The following AZIN1 variants were observed in gnomAD, a reference collection of about 807,000 sequenced individuals.
The protein encoded by AZIN1 is ornithine decarboxylase antizyme inhibitor.
A neutral mutation model predicts 47.4 loss-of-function variants in AZIN1; 12 were observed. That is an observed-to-expected ratio of 0.25 (90% CI 0.16 to 0.41). The LOEUF (loss-of-function observed/expected upper bound fraction) is 0.41, where lower values mean the gene tolerates loss of function less well. AZIN1 is among the 10% of genes least tolerant of loss of function. The pLI, the probability that AZIN1 is intolerant of heterozygous loss-of-function variation, is 1.00. For synonymous variants in AZIN1, 155 were observed against 176.3 expected, an observed-to-expected ratio of 0.88 and a Z score of 0.96; for missense variants, 410 against 532.4, an observed-to-expected ratio of 0.77 and a Z score of 2.26.
chr8:102,839,944 T>C (rs1225597848), intron 3 of AZIN1, 121 bp from the exon 4 acceptor site: 2 of 563,254 alleles, frequency 3.6e-6, no homozygotes, highest in Admixed American at 3.7e-5. Context: ...TATATTTACA[T>C]ACAGTAATAC....
intron 1 of AZIN1, among the ~76,000 whole-genome samples, chr8:102,860,120 G>A (rs568397505): frequency 4.7e-4 from 72 of 152,280 alleles, no homozygotes; most frequent in Middle Eastern, 3.4e-3. Context: ...ATGGAAATGC[G>A]GAGAAAAGGC....
chr8:102,829,990 A>G, intron 9 of AZIN1, 54 bp from the exon 10 acceptor site: 2 of 1,104,080 alleles, frequency 1.8e-6, no homozygotes, highest in Non-Finnish European at 2.7e-6. Context: ...GGCTCATATG[A>G]AACAAATTAA....
chr8:102,846,034 T>C (rs1414507611), intron 2 of AZIN1, among the ~76,000 whole-genome samples: 4 of 152,228 alleles, frequency 2.6e-5, no homozygotes, highest in East Asian at 3.8e-4. Flanking sequence ...TCAGTTGCTG[T>C]TGCTAAGTCT....
intron 2 of AZIN1, among the ~76,000 whole-genome samples, chr8:102,844,978 G>A (rs932137861): frequency 6.6e-6 from 1 of 152,104 alleles, no homozygotes; most frequent in Admixed American, 6.5e-5. Context: ...AAATAACTTC[G>A]ACATAAATGA....
At position 102,831,982 on chromosome 8, in the gene AZIN1, C is replaced by T. The variant is rs1031225073; in HGVS notation, c.904+1074G>A. Among the ~76,000 whole-genome samples the T allele has an allele frequency of 2.0e-5, 3 of 152,064 alleles. No homozygotes were observed. In the South Asian group the frequency reaches 6.2e-4, roughly 31 times the overall value. On this transcript the variant is annotated intron_variant, in intron 9 of 11. Coordinates refer to ENST00000337198, the MANE Select transcript of AZIN1 (RefSeq NM_148174.4). ...CTAGCATCATCAATATTAGAATTGG[C>T]CACTATCATGTGCCTCCTAACATGA... is the stretch of plus-strand genomic sequence containing the variant.
At chr8:102,842,742 A>T (rs79461036) in intron 3 of AZIN1, among the ~76,000 whole-genome samples, 1 of 151,042 alleles carries the variant, frequency 6.6e-6, no homozygotes, top group African/African-American at 2.4e-5. Context: ...CAAAAAAAAA[A>T]CCACTTAGCT....
intron 8 of AZIN1, among the ~76,000 whole-genome samples, chr8:102,833,443 A>G (rs368606189): frequency 2.0e-5 from 3 of 151,380 alleles, no homozygotes; most frequent in African/African-American, 7.3e-5. Context: ...AATAGCTCTA[A>G]TAACAAATAC....
At chr8:102,847,320 G>C (rs866728141) in intron 2 of AZIN1, among the ~76,000 whole-genome samples, 1 of 146,620 alleles carries the variant, frequency 6.8e-6, no homozygotes, top group Non-Finnish European at 1.5e-5. Flanking sequence ...TTTGAGATCA[G>C]CCTGAGCAAT....
chr8:102,854,607 A>AATATAT lies in AZIN1; in HGVS notation c.-96+3400_-96+3405dup, dbSNP rs1554583710. The AATATAT allele has an allele frequency of 3.9e-5, 5 of 128,858 alleles. No homozygotes were observed. In the South Asian group the frequency reaches 1.0e-3, roughly 27 times the overall value. 8.0% of individuals were successfully genotyped at this position (128,858 alleles called of 1,614,324 possible). On this transcript the variant is annotated intron_variant, in intron 2 of 11. Transcript: ENST00000337198. ...AGGAGACTCTGTCAAAAAAAAAAAA[A>AATATAT]ATATATATATATATATATATTTTTT...
chr8:102,843,426 G>A (rs1469654036), intron 3 of AZIN1, 125 bp downstream of exon 3: 43 of 751,268 alleles, frequency 5.7e-5, no homozygotes, highest in Non-Finnish European at 8.8e-5. Context: ...GGGGAGGAAG[G>A]TCAAGTTAAA....
At chr8:102,837,111 G>A (rs1811872594) in intron 5 of AZIN1, among the ~76,000 whole-genome samples, 1 of 152,024 alleles carries the variant, frequency 6.6e-6, no homozygotes, top group Non-Finnish European at 1.5e-5. Flanking sequence ...GTGGAGACAG[G>A]GTTTCACCAT....
intron 3 of AZIN1, among the ~76,000 whole-genome samples, chr8:102,842,155 A>G (rs915922978): frequency 6.6e-6 from 1 of 152,188 alleles, no homozygotes; most frequent in African/African-American, 2.4e-5. Context: ...AGCAGTGAGT[A>G]TATGATTCTG....
chr8:102,840,663 C>T (rs1353102564), intron 3 of AZIN1, among the ~76,000 whole-genome samples: 3 of 152,158 alleles, frequency 2.0e-5, no homozygotes, highest in Non-Finnish European at 4.4e-5. Context: ...AGAGAGATGA[C>T]TTATGCAGTT....
At chr8:102,862,954 A>G (rs1472201710) in intron 1 of AZIN1, among the ~76,000 whole-genome samples, 1 of 152,184 alleles carries the variant, frequency 6.6e-6, no homozygotes, top group Non-Finnish European at 1.5e-5. Flanking sequence ...TTGATAAGCC[A>G]CCCGTCTACC....
Position 102,843,619 on chromosome 8 carries a change from C to T in AZIN1, c.34G>A (p.Val12Ile), listed in dbSNP as rs775423867. ...KGFIDDANYS[V>I]GLLDEGTNLG... The stretch of plus-strand genomic sequence containing the variant: ...TTTGTTCCTTCATCCAACAGGCCAA[C>T]GGAGTAGTTTGCATCATCAATAAAT... The change falls in exon 3 of 12, where the codon GTT (valine) becomes ATT (isoleucine). Residue 12 changes from valine to isoleucine, a missense_variant. Physicochemically the swap from Val to Ile is conservative, Grantham distance 29. Coordinates refer to ENST00000337198, the MANE Select transcript of AZIN1 (RefSeq NM_148174.4). 1.5e-5 allele frequency: 24 copies of T among 1,613,882 alleles called. No individual in the cohort carries two copies. The highest frequency in any genetic ancestry group is 8.9e-5 in the East Asian group (4 of 44,876).
At chr8:102,854,786 TAAAA>T (rs199733627) in intron 2 of AZIN1, among the ~76,000 whole-genome samples, 1 of 143,300 alleles carries the variant, frequency 7.0e-6, no homozygotes, top group South Asian at 2.2e-4. Flanking sequence ...GACAACCAGG[TAAAA>T]AAAAAAACTT....
intron 2 of AZIN1, among the ~76,000 whole-genome samples, chr8:102,851,890 G>A (rs2679752): frequency 0.45 from 68,536 of 151,842 alleles, 15,704 homozygotes; most frequent in Admixed American, 0.5. Context: ...TATTCCACTG[G>A]CTGGCAGTTT....
chr8:102,841,026 C>CTA (rs1161186583), intron 3 of AZIN1, among the ~76,000 whole-genome samples: 8 of 152,074 alleles, frequency 5.3e-5, no homozygotes, highest in Non-Finnish European at 1.5e-5. Context: ...AGCTTCCTTT[C>CTA]TTAGGCATGA....
intron 9 of AZIN1, among the ~76,000 whole-genome samples, chr8:102,830,928 C>T (rs1811416295): frequency 6.6e-6 from 1 of 152,192 alleles, no homozygotes; most frequent in African/African-American, 2.4e-5. Context: ...ACCGCAGCCT[C>T]GAGCTTCAGG....
Sources: allele counts gnomAD v4.1 joint callset (sites outside exome capture counted in the v4.1 genomes callset), GRCh38; gene constraint gnomAD v4.1.1; transcripts MANE v1.5; gene names NCBI Gene and HGNC (gene_info 2026-07-23, HGNC 2026-07-21).